Variants in PARP9 observed in about 807,000 individuals in gnomAD.
PARP9 encodes the protein poly(ADP-ribose) polymerase family member 9.
A neutral mutation model predicts 68.8 loss-of-function variants in PARP9; 48 were observed. The observed-to-expected ratio is 0.70, with a 90% CI of 0.55 to 0.89. PARP9 has a LOEUF of 0.89. Among genes scored for constraint, PARP9 ranks in the 40% least tolerant of loss-of-function variants. PARP9 has a pLI of 0.00. For synonymous variants in PARP9, 309 were observed against 333.8 expected (o/e 0.93, Z 0.81); for missense variants, 806 against 969.3 (o/e 0.83, Z 2.24).
chr3:122,535,898 C>A (rs1190949702), intron 10 of PARP9: 2 of 1,294,386 alleles, frequency 1.5e-6, no homozygotes, highest in Admixed American at 3.7e-5. Context: ...CACAGAAACA[C>A]ATAAAGGAGA....
chr3:122,537,046 GTTT>G lies in PARP9; in HGVS notation c.1790_1792del (p.Lys597del). The G allele has an allele frequency of 6.2e-7, 1 of 1,613,542 alleles. No homozygotes were observed. Among genetic ancestry groups the G allele is most frequent in the Non-Finnish European group, 8.5e-7 (1 of 1,179,664 alleles). On this transcript the variant is annotated inframe_deletion, in exon 9 of 11. Transcript: ENST00000682323. Reference sequence around the variant, plus strand: ...GATATTTTCTTTCATTTCGTCTTGGGTTTTTTGTTGCTGAATAGTCCACTGTCC... The same window carrying G: ...GATATTTTCTTTCATTTCGTCTTGGGTTTGTTGCTGAATAGTCCACTGTCC...
intron 4 of PARP9, among the ~76,000 whole-genome samples, chr3:122,553,548 G>A (rs13325690): frequency 0.031 from 4,773 of 152,148 alleles, 274 homozygotes; most frequent in African/African-American, 0.11. Context: ...TCAGTTAAAG[G>A]GATAAGTTAC....
chr3:122,559,583 G>T (rs372902324), intron 2 of PARP9, 23 bp downstream of exon 2: 9 of 1,583,704 alleles, frequency 5.7e-6, no homozygotes, highest in Admixed American at 1.8e-5. Context: ...GGTTCATGAC[G>T]TATACACATT....
upstream of PARP9, chr3:122,564,351 C>T: frequency 2.7e-6 from 4 of 1,477,050 alleles, no homozygotes; most frequent in Non-Finnish European, 3.6e-6. Context: ...ACTTTGCGCC[C>T]AGTCCGCAGG....
At chr3:122,564,471 G>A (rs550255806), upstream of PARP9, 2 of 1,612,744 alleles carry the variant, frequency 1.2e-6, no homozygotes, top group East Asian at 4.5e-5. Context: ...TCGTGCGGGT[G>A]TACAAGTCCG....
Position 122,564,257 on chromosome 3 carries a change from T to C in PARP9, c.-102A>G. ...CGGACCTACTCACCCGGCAGGCCGC[T>C]CTCCTCGGTGCAGACAGCACAGGGA... On this transcript the variant is annotated 5_prime_UTR_variant, in exon 1 of 11. Coordinates refer to ENST00000682323, the MANE Select transcript of PARP9 (RefSeq NM_001146105.2). 1 of 784,954 alleles carries C rather than the reference T, an allele frequency of 1.3e-6. No homozygotes were observed. The highest frequency in any genetic ancestry group is 1.9e-6 in the Non-Finnish European group (1 of 530,766). The allele number at this position is 784,954 out of a possible 1,614,324, so 48.6% of individuals were successfully genotyped here.
chr3:122,535,715 C>T, intron 10 of PARP9: 1 of 991,604 alleles, frequency 1.0e-6, no homozygotes, highest in Non-Finnish European at 1.2e-6. Context: ...CATTCACTAG[C>T]AGGCTATAGG....
In PARP9 at chr3:122,528,444, G is replaced by A. The variant is rs936717644; in HGVS notation, c.2380C>T (p.Gln794Ter). The stretch of plus-strand genomic sequence containing the variant: ...CTCATTGGTCCTGATGAGTAATCTT[G>A]TGACTGTACATATTCCTGGGTGCAT... ...WTCTQEYVQS[Q>*]DYSSGPMRPF... The change falls in exon 11 of 11, where the codon CAA becomes TAA. Residue 794 changes from glutamine to a stop codon, truncating the protein, a stop_gained. Coordinates refer to ENST00000682323, the MANE Select transcript of PARP9 (RefSeq NM_001146105.2). LOFTEE classifies it low-confidence loss of function (END_TRUNC). 3.1e-6 allele frequency: 5 copies of A among 1,614,198 alleles called. No individual in the cohort carries two copies. Among genetic ancestry groups the A allele is most frequent in the Non-Finnish European group, 4.2e-6 (5 of 1,180,040 alleles).
intron 10 of PARP9, chr3:122,534,292 A>C: frequency 1.0e-6 from 1 of 975,448 alleles, no homozygotes; most frequent in Non-Finnish European, 1.2e-6. Flanking sequence ...AGCACATTCT[A>C]GCCTGTGAGA....
rs552587593 is a variant in PARP9 at position 122,550,166 on chromosome 3, G to C, written c.1326+418C>G. Among the ~76,000 whole-genome samples the C allele has an allele frequency of 8.5e-5, 13 of 152,124 alleles. No individual in the cohort carries two copies. The South Asian group carries it at 1.9e-3, about 22-fold the overall frequency. On this transcript the variant is annotated intron_variant, in intron 6 of 10. Coordinates refer to ENST00000682323, the MANE Select transcript of PARP9 (RefSeq NM_001146105.2). ...GTGATCTCGGCTCACCACAATCTCC[G>C]CCTCCCAGGTTCAAGCTATTCTCTT...
intron 8 of PARP9, among the ~76,000 whole-genome samples, chr3:122,538,865 T>C (rs2107595492): frequency 6.6e-6 from 1 of 152,208 alleles, no homozygotes; most frequent in African/African-American, 2.4e-5. Flanking sequence ...CATGTTTTTT[T>C]TTTTGCCACT....
chr3:122,545,447 A>C lies in PARP9; in HGVS notation c.1369T>G (p.Leu457Val). The C allele has an allele frequency of 5.6e-6, 9 of 1,614,202 alleles. No homozygotes were observed. Among genetic ancestry groups the C allele is most frequent in the Non-Finnish European group, 6.8e-6 (8 of 1,180,036 alleles). Residue 457 changes from leucine (L) to valine (V), a missense_variant, in exon 7 of 11, where the codon TTG becomes GTG. Around this residue, in one of 2 missense-constraint regions of PARP9, gnomAD observed 680 missense variants for 858.8 expected, o/e 0.79. Transcript: ENST00000682323. The part of the protein sequence containing the change: ...EMAKRSKMLS[L>V]NNYSVPQSTR... ...TCTTACTCACCACTGTAATTGTTCA[A>C]ACTCAGCATCTTGGACCTCTTTGCC...
Position 122,528,044 on chromosome 3 carries a change from G to A in PARP9, c.*320C>T. The A allele has an allele frequency of 5.6e-6, 1 of 178,752 alleles. No homozygotes were observed. The highest frequency in any genetic ancestry group is 1.2e-5 in the Non-Finnish European group (1 of 85,986). 11.1% of individuals were successfully genotyped at this position (178,752 alleles called of 1,614,324 possible). On this transcript the variant is annotated 3_prime_UTR_variant, in exon 11 of 11. Coordinates refer to ENST00000682323, the MANE Select transcript of PARP9 (RefSeq NM_001146105.2). ...CTATCATCATTTTAGAAAATAAAAG[G>A]CCTGCGTTATATACTAGAAAAATTT...
intron 6 of PARP9, among the ~76,000 whole-genome samples, chr3:122,549,177 G>C (rs1003352352): frequency 6.6e-6 from 1 of 151,978 alleles, no homozygotes; most frequent in African/African-American, 2.4e-5. Context: ...ACCACGCCTG[G>C]CTAATTTTTT....
chr3:122,559,126 T>G (rs2079973683), intron 2 of PARP9, among the ~76,000 whole-genome samples: 1 of 152,084 alleles, frequency 6.6e-6, no homozygotes, highest in Admixed American at 6.6e-5. Context: ...TAGACTCCAA[T>G]CTCCAAAAGC....
At chr3:122,564,450 G>C (rs201147440), upstream of PARP9, 1 of 1,611,316 alleles carries the variant, frequency 6.2e-7, no homozygotes, top group East Asian at 2.2e-5. Flanking sequence ...TGCGCCCGCC[G>C]TCCCCGCTCC....
At chr3:122,555,243 G>T in intron 4 of PARP9, 43 bp downstream of exon 4, 1 of 1,516,140 alleles carries the variant, frequency 6.6e-7, no homozygotes, top group Non-Finnish European at 8.9e-7. Flanking sequence ...TAATTTTCAG[G>T]GATCACCTGT....
chr3:122,562,280 T>G (rs1362605632), intron 1 of PARP9, among the ~76,000 whole-genome samples: 1 of 152,010 alleles, frequency 6.6e-6, no homozygotes, highest in Non-Finnish European at 1.5e-5. Flanking sequence ...CCTCCCGGGT[T>G]CACGCCATTC....
intron 10 of PARP9, among the ~76,000 whole-genome samples, chr3:122,531,248 C>T (rs1008387225): frequency 5.9e-5 from 9 of 152,174 alleles, no homozygotes; most frequent in Non-Finnish European, 1.3e-4. Context: ...CTATTCTCAA[C>T]ATTTCACAAA....
Sources: gnomAD v4.1 joint callset for allele counts (sites outside exome capture counted in the v4.1 genomes callset) on GRCh38, gnomAD v4.1.1 for gene constraint, gnomAD v4.1.1 regional missense constraint, MANE v1.5 for transcripts, NCBI Gene and HGNC (gene_info 2026-07-23, HGNC 2026-07-21) for gene names.